The following SMC6 variants were observed in gnomAD, a reference collection of about 807,000 sequenced individuals.
SMC6 encodes structural maintenance of chromosomes protein 6.
In SMC6, 79 loss-of-function variants were observed where a neutral mutation model predicts 142.2. The ratio of observed to expected loss-of-function variants is 0.56; its 90% CI spans 0.46 to 0.67. SMC6 has a LOEUF of 0.67. Among genes scored for constraint, SMC6 ranks in the 30% least tolerant of loss-of-function variants. The probability of loss-of-function intolerance (pLI) is 0.00; values close to 1 mark genes in which losing one functional copy is unlikely to be tolerated. For missense variants in SMC6, 1,072 were observed against 1,284.0 expected (o/e 0.83, Z 2.52); for synonymous variants, 411 against 412.4 (o/e 1.00, Z 0.04).
At chr2:17,750,506 T>G (rs993239533) in intron 2 of SMC6, among the ~76,000 whole-genome samples, 4 of 152,166 alleles carry the variant, frequency 2.6e-5, no homozygotes, top group African/African-American at 9.7e-5. Flanking sequence ...ACAACTTAGT[T>G]CTAACATACA....
chr2:17,687,099 C>T (rs1026206504), intron 23 of SMC6, among the ~76,000 whole-genome samples: 7 of 152,066 alleles, frequency 4.6e-5, no homozygotes, highest in African/African-American at 1.4e-4. Flanking sequence ...ACAATGTTGG[C>T]GCAAATGCAA....
At chr2:17,702,557 G>C (rs1668316871) in intron 19 of SMC6, among the ~76,000 whole-genome samples, 1 of 152,024 alleles carries the variant, frequency 6.6e-6, no homozygotes, top group Non-Finnish European at 1.5e-5. Context: ...TGTTAACTAA[G>C]TTTATTACTA....
intron 25 of SMC6, among the ~76,000 whole-genome samples, chr2:17,671,916 C>G (rs986170541): frequency 2.0e-5 from 3 of 151,996 alleles, no homozygotes; most frequent in Admixed American, 1.3e-4. Flanking sequence ...AGTTTCATAT[C>G]AATAGCAGAC....
chr2:17,709,319 T>A (rs75758997), intron 16 of SMC6, among the ~76,000 whole-genome samples: 2 of 152,084 alleles, frequency 1.3e-5, no homozygotes, highest in Admixed American at 6.6e-5. Flanking sequence ...AAAACTGAAG[T>A]AAAGTTTATT....
At chr2:17,686,111 C>T (rs1667442824) in intron 23 of SMC6, among the ~76,000 whole-genome samples, 1 of 152,126 alleles carries the variant, frequency 6.6e-6, no homozygotes, top group South Asian at 2.1e-4. Context: ...TAACTATACA[C>T]TATACACTTT....
intron 21 of SMC6, among the ~76,000 whole-genome samples, chr2:17,697,869 C>G (rs954382833): frequency 6.6e-6 from 1 of 152,002 alleles, no homozygotes; most frequent in Non-Finnish European, 1.5e-5. Context: ...CATATCTATA[C>G]AAAAACTTGT....
At chr2:17,717,061 A>T (rs764989159) in intron 13 of SMC6, 27 bp downstream of exon 13, 1 of 1,595,770 alleles carries the variant, frequency 6.3e-7, no homozygotes, top group Non-Finnish European at 8.5e-7. Flanking sequence ...TGGGATAGCC[A>T]TGAAAATTTC....
intron 27 of SMC6, among the ~76,000 whole-genome samples, chr2:17,666,073 G>A (rs1666482545): frequency 6.6e-6 from 1 of 152,128 alleles, no homozygotes; most frequent in South Asian, 2.1e-4. Flanking sequence ...ATTGACATTT[G>A]TAAGTCACCA....
intron 9 of SMC6, among the ~76,000 whole-genome samples, chr2:17,722,835 TTA>T: frequency 6.6e-6 from 1 of 152,218 alleles, no homozygotes; most frequent in Non-Finnish European, 1.5e-5. Context: ...TTATTTTGGC[TTA>T]TATACTAATA....
At chr2:17,674,206 C>T (rs1399595644) in intron 25 of SMC6, among the ~76,000 whole-genome samples, 1 of 152,088 alleles carries the variant, frequency 6.6e-6, no homozygotes, top group Non-Finnish European at 1.5e-5. Flanking sequence ...TATAAATTCC[C>T]TTCTGAGAAA....
intron 25 of SMC6, among the ~76,000 whole-genome samples, chr2:17,673,846 G>A (rs1666885014): frequency 6.6e-6 from 1 of 151,996 alleles, no homozygotes; most frequent in South Asian, 2.1e-4. Context: ...CGGGATTATA[G>A]GCATGAGCCA....
chr2:17,725,970 C>T (rs1342123560), intron 8 of SMC6, among the ~76,000 whole-genome samples: 4 of 151,050 alleles, frequency 2.6e-5, no homozygotes, highest in Non-Finnish European at 5.9e-5. Flanking sequence ...TGCTTGTAAC[C>T]CCAGCTCCTT....
chr2:17,732,179 A>G (rs554468094), intron 5 of SMC6, among the ~76,000 whole-genome samples: 41 of 152,350 alleles, frequency 2.7e-4, no homozygotes, highest in Non-Finnish European at 4.4e-4. Flanking sequence ...GTTTCAAGAC[A>G]TGTAGATAAG....
In SMC6 at chr2:17,664,979, G is replaced by C. The variant is rs888823452; in HGVS notation, c.*520C>G. 4.6e-5 allele frequency: 7 copies of C among 152,198 alleles called. No homozygotes were observed. Among genetic ancestry groups the C allele is most frequent in the African/African-American group, 1.7e-4 (7 of 41,354 alleles). 9.4% of individuals were successfully genotyped at this position (152,198 alleles called of 1,614,324 possible). A position where few individuals can be genotyped will look rare whatever the true frequency, so the allele number is the denominator to read the frequency against. On this transcript the variant is annotated 3_prime_UTR_variant, in exon 28 of 28. Coordinates refer to ENST00000448223, the MANE Select transcript of SMC6 (RefSeq NM_001142286.2). ...GGACAGTTAAAGGACTGCAAAAAAG[G>C]CATGTGTAGAAGTTGGCAAAGCTTC...
Position 17,707,416 on chromosome 2 carries a change from T to C in SMC6, c.1846-37A>G, listed in dbSNP as rs770880554. On this transcript the variant is annotated intron_variant, in intron 17 of 27. Coordinates refer to ENST00000448223, the MANE Select transcript of SMC6 (RefSeq NM_001142286.2). ...GAAGAAAATAAATTTTTTAAGACGA[T>C]GTGAAAATTTTTCTGATGTACAGAA... 3.7e-6 allele frequency: 5 copies of C among 1,364,248 alleles called. No homozygotes were observed. The South Asian group carries it at 6.1e-5, about 17-fold the overall frequency. The allele number at this position is 1,364,248 out of a possible 1,614,324, so 84.5% of individuals were successfully genotyped here. A position where few individuals can be genotyped will look rare whatever the true frequency, so the allele number is the denominator to read the frequency against.
At chr2:17,689,785 C>T (rs926421448) in intron 23 of SMC6, among the ~76,000 whole-genome samples, 91 of 152,270 alleles carry the variant, frequency 6.0e-4, no homozygotes, top group African/African-American at 1.6e-3. Flanking sequence ...ACTTATAATA[C>T]CTAAGACAAT....
At chr2:17,729,970 C>T (rs1055181070) in intron 7 of SMC6, among the ~76,000 whole-genome samples, 10 of 152,120 alleles carry the variant, frequency 6.6e-5, no homozygotes, top group Admixed American at 2.0e-4. Context: ...GGAAAAGAGA[C>T]CCAGACCCCT....
intron 20 of SMC6, 23 bp downstream of exon 20, chr2:17,701,806 T>C: frequency 6.9e-7 from 1 of 1,441,798 alleles, no homozygotes; most frequent in Non-Finnish European, 9.5e-7. Context: ...ATATTACATT[T>C]AAATTGAAAA....
At chr2:17,692,581 T>C (rs1418570639) in intron 23 of SMC6, among the ~76,000 whole-genome samples, 1 of 152,170 alleles carries the variant, frequency 6.6e-6, no homozygotes, top group African/African-American at 2.4e-5. Context: ...ACTTACATGT[T>C]AGACCTAAAA....
Sources: gnomAD v4.1 joint callset for allele counts (sites outside exome capture counted in the v4.1 genomes callset) on GRCh38, gnomAD v4.1.1 for gene constraint, MANE v1.5 for transcripts, NCBI Gene and HGNC (gene_info 2026-07-23, HGNC 2026-07-21) for gene names.